MMP26: variants seen among roughly 807,000 people sequenced by gnomAD.
MMP26 encodes the protein matrix metallopeptidase 26.
In MMP26, 33 loss-of-function variants were observed where a neutral mutation model predicts 31.0. The observed-to-expected ratio is 1.06, with a 90% CI of 0.81 to 1.42. The LOEUF is 1.42. MMP26 is among the 40% of genes most tolerant of loss of function. The probability of loss-of-function intolerance (pLI) is 0.00; values close to 1 mark genes in which losing one functional copy is unlikely to be tolerated. For missense variants in MMP26, 347 were observed against 316.1 expected, an observed-to-expected ratio of 1.10 and a Z score of -0.74; for synonymous variants, 122 against 114.9, an observed-to-expected ratio of 1.06 and a Z score of -0.40.
In MMP26 at chr11:4,813,458, G is replaced by A. The variant is rs554338244; in HGVS notation, c.-145+46117G>A. Among the ~76,000 whole-genome samples, 4 of 151,924 alleles carry A rather than the reference G, an allele frequency of 2.6e-5. No homozygotes were observed. In the South Asian group the frequency reaches 8.3e-4, roughly 32 times the overall value. On this transcript the variant is annotated intron_variant, in intron 2 of 7. Coordinates refer to ENST00000380390, the MANE Select transcript of MMP26 (RefSeq NM_021801.5). ...AGCTGGGCTGCTCTCAAACTCCTGG[G>A]CTCAAGCTATCCACCGCCTTGGCTT... is the stretch of plus-strand genomic sequence containing the variant.
chr11:4,743,015 TA>T (rs1213517614), intron 1 of MMP26, among the ~76,000 whole-genome samples: 9 of 152,202 alleles, frequency 5.9e-5, no homozygotes, highest in Non-Finnish European at 8.8e-5. Flanking sequence ...TAAAATTTGT[TA>T]AAAGCTCCAT....
chr11:4,771,174 A>T (rs1157308193), intron 2 of MMP26, among the ~76,000 whole-genome samples: 2 of 152,210 alleles, frequency 1.3e-5, no homozygotes, highest in Non-Finnish European at 1.5e-5. Flanking sequence ...TTATAAACGG[A>T]GGTTAAAAAT....
At chr11:4,870,319 A>G (rs1277992492) in intron 2 of MMP26, among the ~76,000 whole-genome samples, 1 of 152,094 alleles carries the variant, frequency 6.6e-6, no homozygotes, top group African/African-American at 2.4e-5. Flanking sequence ...ATATGTTTTT[A>G]AAACATGTTG....
At chr11:4,947,299 A>G in intron 2 of MMP26, 1 of 396,962 alleles carries the variant, frequency 2.5e-6, no homozygotes, top group Non-Finnish European at 4.6e-6. Flanking sequence ...AATCTGTCGT[A>G]TAATACATTG....
intron 1 of MMP26, among the ~76,000 whole-genome samples, chr11:4,759,707 T>A (rs7938025): frequency 0.31 from 47,077 of 152,034 alleles, 8,580 homozygotes; most frequent in African/African-American, 0.49. Context: ...GAGAAACAAC[T>A]TCTATGTTTT....
chr11:4,761,745 T>C (rs184998469), intron 1 of MMP26, among the ~76,000 whole-genome samples: 2 of 152,332 alleles, frequency 1.3e-5, no homozygotes, highest in East Asian at 3.9e-4. Flanking sequence ...TAATGTGTTA[T>C]ATAGATTTTT....
intron 2 of MMP26, among the ~76,000 whole-genome samples, chr11:4,901,379 C>G (rs1272759837): frequency 1.3e-5 from 2 of 151,912 alleles, no homozygotes; most frequent in Non-Finnish European, 2.9e-5. Context: ...CCGGGATGGT[C>G]TCAATCTCCT....
intron 2 of MMP26, among the ~76,000 whole-genome samples, chr11:4,940,793 A>T (rs1053464028): frequency 2.0e-5 from 3 of 152,182 alleles, no homozygotes; most frequent in Non-Finnish European, 4.4e-5. Flanking sequence ...GCCCCTGTTC[A>T]TTAGCTCTTG....
At chr11:4,744,772 A>G (rs1175300251) in intron 1 of MMP26, among the ~76,000 whole-genome samples, 1 of 152,122 alleles carries the variant, frequency 6.6e-6, no homozygotes, top group African/African-American at 2.4e-5. Context: ...TTATTAAGGG[A>G]CAATTGCTAA....
chr11:4,926,415 G>A (rs969779867), intron 2 of MMP26, among the ~76,000 whole-genome samples: 1 of 151,994 alleles, frequency 6.6e-6, no homozygotes, highest in Non-Finnish European at 1.5e-5. Context: ...TGAGAAAATG[G>A]CAACATATTT....
rs1424366433 is a variant in MMP26, at chr11:4,991,406, G to C, written c.505G>C (p.Gly169Arg). Residue 169 changes from glycine (G) to arginine (R), a missense_variant, in exon 6 of 8, where the codon GGT becomes CGT. By Grantham distance (125) the Gly-to-Arg change is moderately radical (BLOSUM62 -2). Coordinates refer to ENST00000380390, the MANE Select transcript of MMP26 (RefSeq NM_021801.5). The stretch of plus-strand genomic sequence containing the variant: ...TGGTTGGCCCTTTGATGGGCCAGGT[G>C]GTATCTTAGGCCATGCCTTTTTACC... ...EDGWPFDGPG[G>R]ILGHAFLPNS... 6 of 1,613,906 alleles carry C rather than the reference G, an allele frequency of 3.7e-6. No homozygotes were observed.
intron 2 of MMP26, among the ~76,000 whole-genome samples, chr11:4,930,431 C>A (rs928855358): frequency 5.3e-5 from 8 of 152,082 alleles, no homozygotes; most frequent in Non-Finnish European, 1.5e-5. Context: ...GTGCTTACCC[C>A]TTTCTTGCCA....
chr11:4,811,821 A>C (rs892245994), intron 2 of MMP26, among the ~76,000 whole-genome samples: 1 of 152,138 alleles, frequency 6.6e-6, no homozygotes, highest in Non-Finnish European at 1.5e-5. Flanking sequence ...CAGACTACCC[A>C]CACTACTTTT....
intron 2 of MMP26, among the ~76,000 whole-genome samples, chr11:4,970,601 G>A (rs1846652896): frequency 6.6e-6 from 1 of 152,228 alleles, no homozygotes. Context: ...TGGGGATGGA[G>A]GTGCCAGGTG....
chr11:4,834,478 G>A (rs975446448), intron 2 of MMP26, among the ~76,000 whole-genome samples: 2 of 152,112 alleles, frequency 1.3e-5, no homozygotes, highest in African/African-American at 2.4e-5. Context: ...ACTACATCAG[G>A]GTCCAGGATC....
intron 2 of MMP26, among the ~76,000 whole-genome samples, chr11:4,900,496 A>C (rs1325773663): frequency 6.6e-6 from 1 of 152,170 alleles, no homozygotes; most frequent in Non-Finnish European, 1.5e-5. Context: ...GTTGAGTGGG[A>C]AACTATGCTT....
At position 4,955,337 on chromosome 11, in the gene MMP26, A is replaced by G. The variant is rs1207665494; in HGVS notation, c.-144-32731A>G. ...GTATCTCAGAGGATTGTGGATGGCT[A>G]GGAATCTATCAAATGACATGATCAG... On this transcript the variant is annotated intron_variant, in intron 2 of 7. Transcript: ENST00000380390. The G allele has an allele frequency of 2.6e-6, 3 of 1,153,742 alleles. 1 individual carries two copies. Among genetic ancestry groups the G allele is most frequent in the Non-Finnish European group, 3.7e-6 (3 of 814,668 alleles). 71.5% of individuals were successfully genotyped at this position (1,153,742 alleles called of 1,614,324 possible).
chr11:4,812,272 G>A (rs989770836), intron 2 of MMP26, among the ~76,000 whole-genome samples: 12 of 152,166 alleles, frequency 7.9e-5, no homozygotes, highest in African/African-American at 2.7e-4. Context: ...TGTATATGTA[G>A]TATATAATAT....
At chr11:4,878,833 G>A (rs1013478232) in intron 2 of MMP26, among the ~76,000 whole-genome samples, 2 of 151,960 alleles carry the variant, frequency 1.3e-5, no homozygotes, top group African/African-American at 4.8e-5. Context: ...ATTACCTGAT[G>A]TGTAACTTTA....
Sources: gnomAD v4.1 joint callset for allele counts (sites outside exome capture counted in the v4.1 genomes callset) on GRCh38, gnomAD v4.1.1 for gene constraint, MANE v1.5 for transcripts, NCBI Gene and HGNC (gene_info 2026-07-23, HGNC 2026-07-21) for gene names.